The following MED12L variants were observed in gnomAD, a reference collection of about 807,000 sequenced individuals.
The protein encoded by MED12L is mediator complex subunit 12L, also known as mediator of RNA polymerase II transcription subunit 12-like protein.
In MED12L, 60 loss-of-function variants were observed where a neutral mutation model predicts 281.3. That is an observed-to-expected ratio of 0.21 (90% CI 0.17 to 0.26). The LOEUF is 0.26. MED12L is among the 10% of genes least tolerant of loss of function. MED12L has a pLI of 1.00. For synonymous variants in MED12L, 974 were observed against 987.2 expected (o/e 0.99, Z 0.25); for missense variants, 2,146 against 2,680.9 (o/e 0.80, Z 4.41).
At chr3:151,411,236 A>C in intron 40 of MED12L, 42 bp from the exon 41 acceptor site, 1 of 1,557,250 alleles carries the variant, frequency 6.4e-7, no homozygotes, top group South Asian at 1.1e-5. Context: ...AAGCTAGGTG[A>C]TAAGTTGAAA....
chr3:151,163,827 C>G, intron 8 of MED12L, 66 bp from the exon 9 acceptor site: 2 of 1,451,330 alleles, frequency 1.4e-6, no homozygotes, highest in Non-Finnish European at 1.9e-6. Context: ...GTCGTTTTTA[C>G]TGTTTAGCTA....
At chr3:151,358,181 A>C (rs6790748) in intron 20 of MED12L, among the ~76,000 whole-genome samples, 134,078 of 152,136 alleles carry the variant, frequency 0.88, 59,321 homozygotes, top group African/African-American at 0.97. Flanking sequence ...AACAGTAGCT[A>C]TTCTGGGAAA....
intron 16 of MED12L, among the ~76,000 whole-genome samples, chr3:151,288,780 A>G (rs1445747013): frequency 6.6e-6 from 1 of 151,702 alleles, no homozygotes; most frequent in East Asian, 1.9e-4. Context: ...AACAGTCCAA[A>G]TTTTAGTTAC....
rs73869193 is a variant in MED12L, at chr3:151,310,130, C to T, written c.2251-39929C>T. On this transcript the variant is annotated intron_variant, in intron 16 of 44. Transcript: ENST00000687756. ...GGGCTGCAAATTCAAATGCCAGCAG[C>T]AGCCCCACAGGTTATGTCAGTGAGG... 8.3e-3 allele frequency among the ~76,000 whole-genome samples: 1,263 copies of T among 152,248 alleles called. 19 individuals are homozygous for T. Among genetic ancestry groups the T allele is most frequent in the African/African-American group, 0.029 (1,187 of 41,538 alleles).
At chr3:151,424,965 T>C (rs2108448691) in intron 43 of MED12L, among the ~76,000 whole-genome samples, 1 of 152,298 alleles carries the variant, frequency 6.6e-6, no homozygotes, top group East Asian at 1.9e-4. Context: ...ACCTCTTAAC[T>C]GTCATGAGGG....
intron 16 of MED12L, among the ~76,000 whole-genome samples, chr3:151,271,772 C>T (rs1333568801): frequency 6.6e-6 from 1 of 152,108 alleles, no homozygotes; most frequent in Non-Finnish European, 1.5e-5. Context: ...CAGACACAAA[C>T]GACTATGTAC....
chr3:151,362,541 C>A (rs1350348526), intron 21 of MED12L, among the ~76,000 whole-genome samples: 1 of 152,006 alleles, frequency 6.6e-6, no homozygotes, highest in Non-Finnish European at 1.5e-5. Context: ...TTAAATAGCA[C>A]CCCCATGTCA....
intron 20 of MED12L, among the ~76,000 whole-genome samples, chr3:151,358,106 C>T (rs1276391541): frequency 6.6e-6 from 1 of 151,984 alleles, no homozygotes; most frequent in African/African-American, 2.4e-5. Context: ...TTTTATAGTA[C>T]CTTTTATTTT....
At chr3:151,227,634 G>A (rs1460456505) in intron 16 of MED12L, among the ~76,000 whole-genome samples, 2 of 152,152 alleles carry the variant, frequency 1.3e-5, no homozygotes, top group Non-Finnish European at 2.9e-5. Flanking sequence ...TGTGGCATAG[G>A]CACCTCATGA....
intron 16 of MED12L, among the ~76,000 whole-genome samples, chr3:151,292,397 C>G (rs1744377308): frequency 6.6e-6 from 1 of 151,646 alleles, no homozygotes; most frequent in South Asian, 2.1e-4. Context: ...AAAGATTCTC[C>G]TGCCTCAGCC....
rs922054029 is a variant in MED12L at position 151,122,982 on chromosome 3, A to G, written c.396+8A>G. On this transcript the variant is annotated splice_region_variant and intron_variant, in intron 4 of 44. Coordinates refer to ENST00000687756, the MANE Select transcript of MED12L (RefSeq NM_001393769.1). ...TCTATTTTGGCAAAAAAGGTATCAA[A>G]TATTTCTTACATTGTTTTAGTTATG... is the stretch of plus-strand genomic sequence containing the variant. 2 of 1,590,160 alleles carry G rather than the reference A, an allele frequency of 1.3e-6. No individual in the cohort carries two copies. Among genetic ancestry groups the G allele is most frequent in the Admixed American group, 1.7e-5 (1 of 57,714 alleles).
At chr3:151,184,873 G>T (rs1383854188) in intron 11 of MED12L, among the ~76,000 whole-genome samples, 1 of 152,198 alleles carries the variant, frequency 6.6e-6, no homozygotes, top group African/African-American at 2.4e-5. Context: ...ATTGGAGTGG[G>T]TCACTGGATA....
At chr3:151,345,548 G>C (rs1057127670) in intron 16 of MED12L, among the ~76,000 whole-genome samples, 3 of 66,886 alleles carry the variant, frequency 4.5e-5, no homozygotes, top group African/African-American at 1.2e-4. Context: ...ACCAAGTTTT[G>C]CTCTTGTCAC....
chr3:151,165,646 A>G (rs1423816775), intron 10 of MED12L, 127 bp downstream of exon 10: 2 of 953,854 alleles, frequency 2.1e-6, no homozygotes, highest in African/African-American at 1.6e-5. Context: ...AATTTTGAGG[A>G]CAATCTTCAG....
Position 151,389,991 on chromosome 3 carries a change from A to G in MED12L, c.5464A>G (p.Ser1822Gly), listed in dbSNP as rs1234877264. The G allele has an allele frequency of 1.2e-6, 2 of 1,614,100 alleles. No individual in the cohort carries two copies. The highest frequency in any genetic ancestry group is 2.2e-5 in the South Asian group (2 of 91,084). ...CTTTATGTTGAAGGAATATCCACAG[A>G]GCAACATATACCGAGTGCCTCCTAA... ...SSSRVDEYPQ[S>G]NIYRVPPNYS... Residue 1822 changes from serine to glycine, a missense_variant, in exon 38 of 45, where the codon AGC becomes GGC. Coordinates refer to ENST00000687756, the MANE Select transcript of MED12L (RefSeq NM_001393769.1).
At position 151,432,056 on chromosome 3, in the gene MED12L, G is replaced by A. The variant is rs539571766; in HGVS notation, c.6491-696G>A. Among the ~76,000 whole-genome samples, 24 of 152,318 alleles carry A rather than the reference G, an allele frequency of 1.6e-4. No homozygotes were observed. In the South Asian group the frequency reaches 5.0e-3, roughly 32 times the overall value. On this transcript the variant is annotated intron_variant, in intron 44 of 44. Coordinates refer to ENST00000687756, the MANE Select transcript of MED12L (RefSeq NM_001393769.1). ...ATGCCACACTCCATTGTTGAAGGGT[G>A]GTGACTAAACTGAGCTGCTCACCAC...
intron 16 of MED12L, among the ~76,000 whole-genome samples, chr3:151,194,028 C>T (rs1476294999): frequency 8.3e-5 from 12 of 144,598 alleles, no homozygotes; most frequent in Non-Finnish European, 1.3e-4. Context: ...TACAGTGGCA[C>T]GATCTTGACT....
chr3:151,249,484 G>C (rs563437659), intron 16 of MED12L, among the ~76,000 whole-genome samples: 3 of 152,218 alleles, frequency 2.0e-5, no homozygotes, highest in South Asian at 2.1e-4. Context: ...GTCTTGATTG[G>C]TGCAGGGCAA....
At chr3:151,227,069 G>C (rs889843277) in intron 16 of MED12L, among the ~76,000 whole-genome samples, 4 of 152,280 alleles carry the variant, frequency 2.6e-5, no homozygotes, top group Admixed American at 2.6e-4. Context: ...CTCAAGATCA[G>C]GTCACTTGAT....
Sources: gnomAD v4.1 joint callset for allele counts (sites outside exome capture counted in the v4.1 genomes callset) on GRCh38, gnomAD v4.1.1 for gene constraint, MANE v1.5 for transcripts, NCBI Gene and HGNC (gene_info 2026-07-23, HGNC 2026-07-21) for gene names.